Variants in SCML4 observed in about 807,000 individuals in gnomAD.
SCML4 encodes the protein sex comb on midleg-like protein 4.
SCML4 carries 34 observed loss-of-function variants against 41.1 expected under a neutral mutation model. That is an observed-to-expected ratio of 0.83 (90% CI 0.63 to 1.10). The LOEUF is 1.10. SCML4 is among the 50% of genes least tolerant of loss of function. SCML4 has a pLI of 0.00. For synonymous variants in SCML4, 214 were observed against 220.9 expected, an observed-to-expected ratio of 0.97 and a Z score of 0.28; for missense variants, 522 against 534.1, an observed-to-expected ratio of 0.98 and a Z score of 0.22.
chr6:107,815,215 G>C (rs1250972647), intron 1 of SCML4, among the ~76,000 whole-genome samples: 1 of 152,194 alleles, frequency 6.6e-6, no homozygotes, highest in African/African-American at 2.4e-5. Flanking sequence ...TTGGAAATGT[G>C]TCAGTGATGG....
chr6:107,815,349 A>T (rs72935347), intron 1 of SCML4, among the ~76,000 whole-genome samples: 180 of 152,362 alleles, frequency 1.2e-3, no homozygotes, highest in Non-Finnish European at 2.2e-3. Context: ...TTGTCTTGCC[A>T]TATAGAAATA....
At chr6:107,797,035 T>C (rs1036162335) in intron 1 of SCML4, among the ~76,000 whole-genome samples, 1 of 152,156 alleles carries the variant, frequency 6.6e-6, no homozygotes, top group Non-Finnish European at 1.5e-5. Flanking sequence ...TTTTTGTTTA[T>C]ACTTATGCCA....
At chr6:107,751,572 ATCTTTCTTTCTT>A (rs36148554) in intron 2 of SCML4, among the ~76,000 whole-genome samples, 5,551 of 87,714 alleles carry the variant, frequency 0.063, 204 homozygotes, top group Middle Eastern at 0.098. Context: ...CATTTTAACA[ATCTTTCTTTCTT>A]TCTTTCTTTC....
At position 107,724,883 on chromosome 6, in the gene SCML4, AG is replaced by A. The variant is rs528121039; in HGVS notation, c.683-3891del. 3.5e-3 allele frequency among the ~76,000 whole-genome samples: 528 copies of A among 152,368 alleles called. 2 individuals carry two copies. The highest frequency in any genetic ancestry group is 5.0e-3 in the Non-Finnish European group (341 of 68,040). On this transcript the variant is annotated intron_variant, in intron 5 of 7. Coordinates refer to ENST00000369020, the MANE Select transcript of SCML4 (RefSeq NM_198081.5). Reference sequence around the variant, plus strand: ...CTTCCTGATTCCAAATTTAGTACAAAGCAACAATAATCAAGACAATGTGGGA... The same window carrying A: ...CTTCCTGATTCCAAATTTAGTACAAACAACAATAATCAAGACAATGTGGGA...
the SCML4 span, among the ~76,000 whole-genome samples, chr6:107,835,055 A>T: frequency 6.6e-6 from 1 of 152,252 alleles, no homozygotes; most frequent in African/African-American, 2.4e-5. Flanking sequence ...ATAAGAATAG[A>T]TTGCTGTATA....
chr6:107,708,291 C>G (rs894393223), intron 6 of SCML4, among the ~76,000 whole-genome samples: 1 of 152,166 alleles, frequency 6.6e-6, no homozygotes, highest in Admixed American at 6.5e-5. Context: ...GGATTCCCTT[C>G]AACAGGCTGG....
At chr6:107,765,950 G>A (rs565958726) in intron 2 of SCML4, among the ~76,000 whole-genome samples, 1 of 152,346 alleles carries the variant, frequency 6.6e-6, no homozygotes, top group South Asian at 2.1e-4. Flanking sequence ...CTGTTACAAT[G>A]TGAATAGCAC....
intron 2 of SCML4, among the ~76,000 whole-genome samples, chr6:107,759,088 A>C (rs551149405): frequency 9.6e-5 from 14 of 146,384 alleles, no homozygotes; most frequent in African/African-American, 3.6e-4. Context: ...TGAGTTCAAG[A>C]CCTGTCTGGA....
chr6:107,707,161 C>T (rs1021998894), intron 7 of SCML4, among the ~76,000 whole-genome samples: 6 of 151,482 alleles, frequency 4.0e-5, no homozygotes, highest in African/African-American at 7.3e-5. Flanking sequence ...ATTAGCTGGG[C>T]GTGGTGGTGG....
chr6:107,748,180 G>A (rs1778302135), intron 3 of SCML4, among the ~76,000 whole-genome samples: 1 of 152,190 alleles, frequency 6.6e-6, no homozygotes, highest in Admixed American at 6.5e-5. Context: ...GTAAAAGGAT[G>A]AGATAAGATG....
intron 4 of SCML4, chr6:107,746,334 T>C (rs1463765368): frequency 2.8e-5 from 6 of 217,110 alleles, no homozygotes; most frequent in Non-Finnish European, 5.4e-5. Context: ...GAGGTTGCTG[T>C]GGGTGGTGAA....
the SCML4 span, among the ~76,000 whole-genome samples, chr6:107,833,836 G>T: frequency 1.3e-5 from 2 of 152,192 alleles, no homozygotes; most frequent in African/African-American, 2.4e-5. Context: ...CCATGTCCAT[G>T]ACCTCGGTCC....
At chr6:107,734,882 G>T (rs907519174) in intron 5 of SCML4, among the ~76,000 whole-genome samples, 1 of 152,002 alleles carries the variant, frequency 6.6e-6, no homozygotes, top group Non-Finnish European at 1.5e-5. Flanking sequence ...TGTTGTTATT[G>T]TTGTGGTTTT....
In SCML4 at chr6:107,753,460, C is replaced by G. The variant is rs553804766; in HGVS notation, c.157-3647G>C. Among the ~76,000 whole-genome samples the G allele has an allele frequency of 5.0e-4, 76 of 152,158 alleles. No homozygotes were observed. In the South Asian group the frequency reaches 8.9e-3, roughly 18 times the overall value. ...GAAGTAGAATGGTAGTTGCCAGGAA[C>G]TGGGGGAAGGTGGGAATGGGGAGTT... On this transcript the variant is annotated intron_variant, in intron 2 of 7. Transcript: ENST00000369020.
intron 1 of SCML4, among the ~76,000 whole-genome samples, chr6:107,798,908 C>T (rs1053187277): frequency 2.0e-5 from 3 of 152,152 alleles, no homozygotes; most frequent in East Asian, 1.9e-4. Context: ...GTTTTCCTGA[C>T]GTTTCTGCTA....
At chr6:107,804,556 C>T (rs1197615566) in intron 1 of SCML4, among the ~76,000 whole-genome samples, 2 of 152,166 alleles carry the variant, frequency 1.3e-5, no homozygotes, top group Non-Finnish European at 2.9e-5. Context: ...ATATTTTATA[C>T]CTATGTGTAT....
intron 2 of SCML4, among the ~76,000 whole-genome samples, chr6:107,770,360 T>C (rs1425771123): frequency 1.3e-5 from 2 of 152,264 alleles, no homozygotes; most frequent in Non-Finnish European, 2.9e-5. Context: ...AAATGGCTCT[T>C]GTTTTTCTTA....
chr6:107,788,185 A>G (rs1426814543), intron 1 of SCML4, among the ~76,000 whole-genome samples: 2 of 152,190 alleles, frequency 1.3e-5, no homozygotes, highest in Non-Finnish European at 2.9e-5. Context: ...TCCCCAATAG[A>G]CAAGGACCAT....
At chr6:107,778,179 T>A (rs1781109687) in intron 1 of SCML4, among the ~76,000 whole-genome samples, 2 of 118,248 alleles carry the variant, frequency 1.7e-5, no homozygotes, top group Non-Finnish European at 3.3e-5. Context: ...GACAACAGAG[T>A]GAGCGAGACT....
Sources: allele counts gnomAD v4.1 joint callset (sites outside exome capture counted in the v4.1 genomes callset), GRCh38; gene constraint gnomAD v4.1.1; transcripts MANE v1.5; gene names NCBI Gene and HGNC (gene_info 2026-07-23, HGNC 2026-07-21).